Variants in ST7 observed in about 807,000 individuals in gnomAD.
ST7 encodes suppression of tumorigenicity 7.
A neutral mutation model predicts 78.7 loss-of-function variants in ST7; 28 were observed. The ratio of observed to expected loss-of-function variants is 0.36; its 90% confidence interval spans 0.26 to 0.49. The LOEUF is 0.49. Among genes scored for constraint, ST7 ranks in the 20% least tolerant of loss-of-function variants. ST7 has a pLI of 0.99. For missense variants in ST7, 418 were observed against 696.0 expected, an observed-to-expected ratio of 0.60 and a Z score of 4.49; for synonymous variants, 247 against 249.6, an observed-to-expected ratio of 0.99 and a Z score of 0.10.
At chr7:117,177,078 T>C (rs3824031) in intron 10 of ST7, among the ~76,000 whole-genome samples, 19,166 of 152,236 alleles carry the variant, frequency 0.13, 2,269 homozygotes, top group African/African-American at 0.31. Context: ...TGGCTGTGGC[T>C]TCATGCCTGT....
At chr7:117,097,908 A>ATATATATATATTTTTTTTTT in intron 1 of ST7, among the ~76,000 whole-genome samples, 3 of 30,012 alleles carry the variant, frequency 1.0e-4, no homozygotes, top group East Asian at 1.7e-3. Context: ...ATATATATAT[A>ATATATATATATTTTTTTTTT]TTTTTTTTTT....
chr7:117,221,638 A>AT (rs1434748516), intron 14 of ST7, among the ~76,000 whole-genome samples: 1 of 152,178 alleles, frequency 6.6e-6, no homozygotes, highest in African/African-American at 2.4e-5. Context: ...TACATTAGGC[A>AT]TAGGCGGTGC....
intron 13 of ST7, among the ~76,000 whole-genome samples, chr7:117,216,908 A>G (rs1792732740): frequency 2.0e-5 from 3 of 152,010 alleles, no homozygotes; most frequent in African/African-American, 7.3e-5. Flanking sequence ...GTACACATGC[A>G]CTCTTTTTAA....
chr7:117,229,759 C>A lies in ST7; in HGVS notation c.1639-3C>A, dbSNP rs374865323. 280 of 1,606,438 alleles carry A rather than the reference C, an allele frequency of 1.7e-4. 2 individuals are homozygous for A. In the African/African-American group the frequency reaches 3.2e-3, roughly 19 times the overall value. On this transcript the variant is annotated splice_polypyrimidine_tract_variant and splice_region_variant and intron_variant, in intron 15 of 15. Coordinates refer to ENST00000323984, the MANE Select transcript of ST7 (RefSeq NM_001369598.1). ...CTTCTGTGTCTGTCTGGTTTCTTTGCAGTTCCTCAGCACTTTGTTTGCCCC... is the reference window on the plus strand; with the variant it reads ...CTTCTGTGTCTGTCTGGTTTCTTTGAAGTTCCTCAGCACTTTGTTTGCCCC...
intron 1 of ST7, among the ~76,000 whole-genome samples, chr7:117,049,988 C>T (rs1282625970): frequency 4.0e-5 from 6 of 150,294 alleles, no homozygotes; most frequent in South Asian, 2.1e-4. Context: ...AGGTGGATCA[C>T]GAGATCAGGA....
intron 12 of ST7, among the ~76,000 whole-genome samples, chr7:117,207,421 C>T (rs536598641): frequency 5.3e-5 from 8 of 152,098 alleles, no homozygotes; most frequent in Non-Finnish European, 1.2e-4. Context: ...AGATTACAGC[C>T]GTGAGCCACC....
At chr7:116,973,443 G>A (rs1187833676) in intron 1 of ST7, among the ~76,000 whole-genome samples, 1 of 152,120 alleles carries the variant, frequency 6.6e-6, no homozygotes, top group Non-Finnish European at 1.5e-5. Flanking sequence ...TTTTTGTAAA[G>A]ATGGGGTCTC....
rs964265357 is a variant in ST7 at position 117,219,592 on chromosome 7, G to A, written c.1498+416G>A. On this transcript the variant is annotated intron_variant, in intron 14 of 15. Coordinates refer to ENST00000323984, the MANE Select transcript of ST7 (RefSeq NM_001369598.1). The surrounding 1 kb of genome is among the most constrained non-coding windows in gnomAD (Gnocchi z 5.1). The stretch of plus-strand genomic sequence containing the variant: ...AGAGGGAGCTGCGCATGAGTCATGG[G>A]TGGGAGGCCAGCACCAGGAAGCTGG... Among the ~76,000 whole-genome samples the A allele has an allele frequency of 6.6e-6, 1 of 152,234 alleles. No individual in the cohort carries two copies. Among genetic ancestry groups the A allele is most frequent in the African/African-American group, 2.4e-5 (1 of 41,462 alleles).
chr7:117,028,238 G>A (rs1796304676), intron 1 of ST7, among the ~76,000 whole-genome samples: 3 of 152,140 alleles, frequency 2.0e-5, no homozygotes, highest in East Asian at 1.9e-4. Flanking sequence ...AAAATAATGA[G>A]TTACTAATAA....
At chr7:117,034,202 G>C (rs1308152326) in intron 1 of ST7, among the ~76,000 whole-genome samples, 1 of 152,154 alleles carries the variant, frequency 6.6e-6, no homozygotes, top group Non-Finnish European at 1.5e-5. Context: ...GCCTCCCAAA[G>C]TGCTGAGATT....
At chr7:117,029,198 T>G (rs1251594929) in intron 1 of ST7, among the ~76,000 whole-genome samples, 3 of 152,226 alleles carry the variant, frequency 2.0e-5, no homozygotes, top group Non-Finnish European at 2.9e-5. Context: ...GGTTATACCG[T>G]TTTACATTCC....
intron 1 of ST7, among the ~76,000 whole-genome samples, chr7:117,045,157 G>A (rs186102139): frequency 9.5e-4 from 145 of 152,168 alleles, no homozygotes; most frequent in African/African-American, 3.3e-3. Flanking sequence ...GGTTACTACA[G>A]AGGTCTTATT....
rs1217518014 is a variant in ST7 at position 117,229,786 on chromosome 7, T to C, written c.1663T>C (p.Leu555=). ...GTTCCTCAGCACTTTGTTTGCCCCCTTAAACTTTGTCATGGAGAAAGTGGA... is the reference window on the plus strand; with the variant it reads ...GTTCCTCAGCACTTTGTTTGCCCCCCTAAACTTTGTCATGGAGAAAGTGGA... ...KAFLSTLFAP[L]NFVMEKVESI... The change falls in exon 16 of 16, where the codon TTA becomes CTA. Residue 555 remains leucine (L), a synonymous_variant. Coordinates refer to ENST00000323984, the MANE Select transcript of ST7 (RefSeq NM_001369598.1). 2 of 1,613,558 alleles carry C rather than the reference T, an allele frequency of 1.2e-6. No homozygotes were observed. The highest frequency in any genetic ancestry group is 1.7e-6 in the Non-Finnish European group (2 of 1,179,918).
chr7:117,192,670 A>G (rs1393051465), intron 12 of ST7, among the ~76,000 whole-genome samples: 4 of 152,146 alleles, frequency 2.6e-5, no homozygotes, highest in Admixed American at 2.6e-4. Context: ...GAGCCTTGCA[A>G]TCCTGGGGCA....
chr7:116,957,379 T>G (rs1792562783), intron 1 of ST7, among the ~76,000 whole-genome samples: 1 of 152,136 alleles, frequency 6.6e-6, no homozygotes, highest in Non-Finnish European at 1.5e-5. Context: ...TTTTGTTTGT[T>G]TTTTAAGAGA....
At chr7:117,121,306 A>C in intron 3 of ST7, among the ~76,000 whole-genome samples, 1 of 152,182 alleles carries the variant, frequency 6.6e-6, no homozygotes, top group East Asian at 1.9e-4. Context: ...CAGAGAGTGG[A>C]TGAGTTTACA....
intron 1 of ST7, among the ~76,000 whole-genome samples, chr7:117,031,896 T>TTGGCAATGGAGTC (rs1796616815): frequency 7.9e-6 from 1 of 127,090 alleles, no homozygotes; most frequent in Non-Finnish European, 1.7e-5. Context: ...TTTTTTTTTT[T>TTGGCAATGGAGTC]TTGGCAATGG....
At chr7:117,056,377 G>C (rs894805269) in intron 1 of ST7, among the ~76,000 whole-genome samples, 1 of 152,088 alleles carries the variant, frequency 6.6e-6, no homozygotes, top group Non-Finnish European at 1.5e-5. Flanking sequence ...GCTCATGCCT[G>C]TAACCAGCAC....
intron 13 of ST7, among the ~76,000 whole-genome samples, chr7:117,215,104 G>A (rs1792591787): frequency 6.6e-6 from 1 of 152,110 alleles, no homozygotes; most frequent in African/African-American, 2.4e-5. Context: ...TCTGCTGTAA[G>A]ACCCTAGAAT....
Sources: allele counts gnomAD v4.1 joint callset (sites outside exome capture counted in the v4.1 genomes callset), GRCh38; gene constraint gnomAD v4.1.1; non-coding constraint Gnocchi (gnomAD v3.1); transcripts MANE v1.5; gene names NCBI Gene and HGNC (gene_info 2026-07-23, HGNC 2026-07-21).